The following ARHGAP15 variants were observed in gnomAD, a reference collection of about 807,000 sequenced individuals.
ARHGAP15 encodes rho GTPase-activating protein 15.
Under a neutral mutation model 63.7 loss-of-function variants are expected in ARHGAP15, and 51 were observed. The ratio of observed to expected loss-of-function variants is 0.80; its 90% CI spans 0.64 to 1.01. The LOEUF is 1.01. ARHGAP15 is among the 50% of genes least tolerant of loss of function. ARHGAP15 has a pLI of 0.00. For missense variants in ARHGAP15, 560 were observed against 564.6 expected, an observed-to-expected ratio of 0.99 and a Z score of 0.08; for synonymous variants, 191 against 193.8, an observed-to-expected ratio of 0.99 and a Z score of 0.12.
chr2:143,187,999 A>G (rs1447000748), intron 2 of ARHGAP15, among the ~76,000 whole-genome samples: 1 of 152,214 alleles, frequency 6.6e-6, no homozygotes, highest in African/African-American at 2.4e-5. Flanking sequence ...CTACCTGTCT[A>G]TTCATCAGTT....
At chr2:143,325,332 T>C (rs1269499538) in intron 6 of ARHGAP15, among the ~76,000 whole-genome samples, 1 of 152,154 alleles carries the variant, frequency 6.6e-6, no homozygotes, top group Admixed American at 6.5e-5. Flanking sequence ...CAAAATTTTA[T>C]TTACTTAAAT....
chr2:143,748,805 C>T (rs1686262595), intron 13 of ARHGAP15, among the ~76,000 whole-genome samples: 1 of 152,196 alleles, frequency 6.6e-6, no homozygotes, highest in Admixed American at 6.5e-5. Context: ...ACTCAGCCTG[C>T]TGCATATACC....
At chr2:143,602,144 A>G (rs1697794116) in intron 11 of ARHGAP15, among the ~76,000 whole-genome samples, 1 of 152,190 alleles carries the variant, frequency 6.6e-6, no homozygotes, top group Non-Finnish European at 1.5e-5. Context: ...CCATCTGGAT[A>G]TCCAAAGTAG....
rs551916595 is a variant in ARHGAP15, at chr2:143,558,902, G to T, written c.1003+2417G>T. Among the ~76,000 whole-genome samples, 10 of 152,200 alleles carry T rather than the reference G, an allele frequency of 6.6e-5. No homozygotes were observed. The East Asian group carries it at 1.9e-3, about 29-fold the overall frequency. On this transcript the variant is annotated intron_variant, in intron 11 of 13. Transcript: ENST00000295095. ...TATAACTGAGAATCTCTACAGCTCT[G>T]CTTGTTCACTAATGCAATTCTTTGT...
chr2:143,476,496 A>C (rs909983380), intron 8 of ARHGAP15, among the ~76,000 whole-genome samples: 1 of 152,228 alleles, frequency 6.6e-6, no homozygotes, highest in Non-Finnish European at 1.5e-5. Context: ...GTTTGGGAAA[A>C]GACTCAGCCC....
intron 6 of ARHGAP15, among the ~76,000 whole-genome samples, chr2:143,385,597 G>A (rs1687251027): frequency 6.6e-6 from 1 of 151,976 alleles, no homozygotes; most frequent in Non-Finnish European, 1.5e-5. Flanking sequence ...TAAGGAAGGT[G>A]GAATTATAGT....
intron 2 of ARHGAP15, among the ~76,000 whole-genome samples, chr2:143,160,313 C>T (rs1690240622): frequency 6.6e-6 from 1 of 151,912 alleles, no homozygotes; most frequent in African/African-American, 2.4e-5. Flanking sequence ...CTTATCTCAT[C>T]AATGTAAGGA....
At chr2:143,484,813 G>T (rs1480716313) in intron 8 of ARHGAP15, among the ~76,000 whole-genome samples, 1 of 152,134 alleles carries the variant, frequency 6.6e-6, no homozygotes, top group Non-Finnish European at 1.5e-5. Context: ...GGCTCAAACT[G>T]CATGTCAAGT....
At chr2:143,512,010 A>G in intron 9 of ARHGAP15, among the ~76,000 whole-genome samples, 1 of 152,342 alleles carries the variant, frequency 6.6e-6, no homozygotes, top group African/African-American at 2.4e-5. Context: ...ACTGTAAATG[A>G]CAGAAACTTG....
intron 1 of ARHGAP15, among the ~76,000 whole-genome samples, chr2:143,142,424 A>G (rs1390426022): frequency 6.6e-6 from 1 of 152,088 alleles, no homozygotes; most frequent in African/African-American, 2.4e-5. Context: ...TCTAGCTTGC[A>G]TGACTGGGCT....
At chr2:143,190,833 C>G (rs866238678) in intron 2 of ARHGAP15, among the ~76,000 whole-genome samples, 1 of 152,174 alleles carries the variant, frequency 6.6e-6, no homozygotes, top group African/African-American at 2.4e-5. Flanking sequence ...TGCAGGGGTG[C>G]AATCTCGGCT....
chr2:143,165,997 AGAAAGAAG>A (rs1408769072), intron 2 of ARHGAP15, among the ~76,000 whole-genome samples: 115 of 93,542 alleles, frequency 1.2e-3, no homozygotes, highest in African/African-American at 4.0e-3. Context: ...AAAGAAAGAA[AGAAAGAAG>A]GAAGGAAGGA....
At chr2:143,566,939 G>T (rs143679858) in intron 11 of ARHGAP15, among the ~76,000 whole-genome samples, 1 of 150,842 alleles carries the variant, frequency 6.6e-6, no homozygotes, top group Non-Finnish European at 1.5e-5. Flanking sequence ...CCAGTGCCAC[G>T]ATCTCGGTTC....
intron 12 of ARHGAP15, among the ~76,000 whole-genome samples, chr2:143,639,260 A>G (rs1461475273): frequency 1.3e-5 from 2 of 152,138 alleles, no homozygotes; most frequent in Non-Finnish European, 2.9e-5. Flanking sequence ...CTGCTCATAC[A>G]CGTACTCAAA....
chr2:143,387,295 C>CT (rs1265604754), intron 6 of ARHGAP15, among the ~76,000 whole-genome samples: 1 of 152,126 alleles, frequency 6.6e-6, no homozygotes, highest in Non-Finnish European at 1.5e-5. Context: ...TAATTTTTAT[C>CT]TGATGTCCTG....
chr2:143,614,644 A>ATCAGTCACTGGC (rs772058680), intron 11 of ARHGAP15, among the ~76,000 whole-genome samples: 2 of 152,208 alleles, frequency 1.3e-5, no homozygotes, highest in Non-Finnish European at 2.9e-5. Context: ...AAATGAGTGC[A>ATCAGTCACTGGC]TCAGTCACTG....
intron 6 of ARHGAP15, among the ~76,000 whole-genome samples, chr2:143,353,065 CTTTT>C (rs746791658): frequency 6.6e-6 from 1 of 151,108 alleles, no homozygotes; most frequent in Non-Finnish European, 1.5e-5. Context: ...TTTAAAGAAA[CTTTT>C]TTTTTCAGGA....
chr2:143,244,922 TGAAA>T (rs1439482157), intron 5 of ARHGAP15, among the ~76,000 whole-genome samples: 1 of 152,078 alleles, frequency 6.6e-6, no homozygotes, highest in Non-Finnish European at 1.5e-5. Context: ...TTATGGATGG[TGAAA>T]GAAAGGAGGG....
At chr2:143,471,460 ATAT>A (rs1691572988) in intron 8 of ARHGAP15, among the ~76,000 whole-genome samples, 1 of 152,138 alleles carries the variant, frequency 6.6e-6, no homozygotes, top group Non-Finnish European at 1.5e-5. Flanking sequence ...GAAAAAAGAG[ATAT>A]TATTAAAAGA....
Sources: allele counts gnomAD v4.1 joint callset (sites outside exome capture counted in the v4.1 genomes callset), GRCh38; gene constraint gnomAD v4.1.1; transcripts MANE v1.5; gene names NCBI Gene and HGNC (gene_info 2026-07-23, HGNC 2026-07-21).